Variants in GUCY1A1 observed in about 807,000 individuals in gnomAD.
The protein encoded by GUCY1A1 is guanylate cyclase 1 soluble subunit alpha 1, also known as guanylate cyclase soluble subunit alpha-1.
In GUCY1A1, 48 loss-of-function variants were observed where a neutral mutation model predicts 64.5. That is an observed-to-expected ratio of 0.74 (90% confidence interval 0.59 to 0.95). GUCY1A1 has a LOEUF of 0.95. Among genes scored for constraint, GUCY1A1 ranks in the 40% least tolerant of loss-of-function variants. The pLI, the probability that GUCY1A1 is intolerant of heterozygous loss-of-function variation, is 0.00. For synonymous variants in GUCY1A1, 308 were observed against 303.4 expected (o/e 1.02, Z -0.16); for missense variants, 804 against 825.3 (o/e 0.97, Z 0.32).
chr4:155,717,281 T>C lies in GUCY1A1; in HGVS notation c.1695T>C (p.Ser565=). The C allele has an allele frequency of 6.3e-7, 1 of 1,592,788 alleles. No individual in the cohort carries two copies. Among genetic ancestry groups the C allele is most frequent in the Non-Finnish European group, 8.6e-7 (1 of 1,167,720 alleles). Residue 565 remains serine (S), a synonymous_variant, in exon 8 of 10, where the codon TCT becomes TCC. Coordinates refer to ENST00000506455, the MANE Select transcript of GUCY1A1 (RefSeq NM_001130682.3). Reference sequence around the variant, plus strand: ...TGGAGCTCTCTGATGAAGTTATGTCTCCCCATGGAGAACCTATCAAGGTAA... The same window carrying C: ...TGGAGCTCTCTGATGAAGTTATGTCCCCCCATGGAGAACCTATCAAGGTAA... ...KMMELSDEVM[S]PHGEPIKMRI...
chr4:155,726,379 A>G (rs1351669749), intron 9 of GUCY1A1, among the ~76,000 whole-genome samples: 1 of 152,006 alleles, frequency 6.6e-6, no homozygotes, highest in African/African-American at 2.4e-5. Flanking sequence ...TCAATTAAAC[A>G]TCCAATGCTT....
In GUCY1A1 at chr4:155,711,051, A is replaced by G. The variant is rs1732506994; in HGVS notation, c.886A>G (p.Met296Val). 6.2e-7 allele frequency: 1 copy of G among 1,613,932 alleles called. No homozygotes were observed. Among genetic ancestry groups the G allele is most frequent in the African/African-American group, 1.3e-5 (1 of 74,932 alleles). ...ATTCCATTTCATGTTTGACAAAGAT[A>G]TGACAATTCTGCAATTTGGCAATGG... is the stretch of plus-strand genomic sequence containing the variant. Reference protein sequence around the residue: ...FPFHFMFDKDMTILQFGNGIR... With the variant: ...FPFHFMFDKDVTILQFGNGIR... Residue 296 changes from methionine to valine, a missense_variant, in exon 6 of 10, where the codon ATG becomes GTG. By Grantham distance (21) the Met-to-Val change is conservative. Transcript: ENST00000506455.
intron 2 of GUCY1A1, among the ~76,000 whole-genome samples, chr4:155,685,072 G>C (rs1256220756): frequency 6.6e-6 from 1 of 152,164 alleles, no homozygotes; most frequent in African/African-American, 2.4e-5. Context: ...TCTGTAGTTA[G>C]ATAGGGTTGG....
rs1483136962 is a variant in GUCY1A1, at chr4:155,736,922, T to G, written c.*6691T>G. ...CTTCATAGTTACTTTAAATGACATA[T>G]TTATTTCGAGTTTTACTTCTGGCTG... On this transcript the variant is annotated 3_prime_UTR_variant, in exon 10 of 10. Transcript: ENST00000506455. 6.6e-6 allele frequency: 1 copy of G among 151,950 alleles called. No individual in the cohort carries two copies. Among genetic ancestry groups the G allele is most frequent in the African/African-American group, 2.4e-5 (1 of 41,400 alleles). 9.4% of individuals were successfully genotyped at this position (151,950 alleles called of 1,614,324 possible). A position where few individuals can be genotyped will look rare whatever the true frequency, so the allele number is the denominator to read the frequency against.
chr4:155,711,482 ATATCTTTATGGAATGTTT>A lies in GUCY1A1; in HGVS notation c.1086+235_1086+252del, dbSNP rs572627058. 68 of 343,476 alleles carry A rather than the reference ATATCTTTATGGAATGTTT, an allele frequency of 2.0e-4. No individual in the cohort carries two copies. In the South Asian group the frequency reaches 3.9e-3, roughly 20 times the overall value. 21.3% of individuals were successfully genotyped at this position (343,476 alleles called of 1,614,324 possible). ...TTTATTGAATGCAGTCTGCCTTTTA[ATATCTTTATGGAATGTTT>A]TATAATGAAATTTGATAAATGTTTA... On this transcript the variant is annotated intron_variant, in intron 6 of 9. Transcript: ENST00000506455.
rs557732287 is a variant in GUCY1A1, at chr4:155,735,764, T to G, written c.*5533T>G. 6.6e-6 allele frequency: 1 copy of G among 152,076 alleles called. No individual in the cohort carries two copies. Among genetic ancestry groups the G allele is most frequent in the African/African-American group, 2.4e-5 (1 of 41,532 alleles). 9.4% of individuals were successfully genotyped at this position (152,076 alleles called of 1,614,324 possible). ...ACAAAACAAAGCAAAACAAAAATGC[T>G]ATTACAGAAGTTGGACAGCCCAATG... On this transcript the variant is annotated 3_prime_UTR_variant, in exon 10 of 10. Transcript: ENST00000506455.
chr4:155,709,044 C>CA (rs752185954), intron 5 of GUCY1A1, among the ~76,000 whole-genome samples: 34 of 152,004 alleles, frequency 2.2e-4, no homozygotes, highest in Non-Finnish European at 4.7e-4. Flanking sequence ...ATTTTGCCAA[C>CA]AAAAATAGCA....
At chr4:155,708,355 T>C in intron 5 of GUCY1A1, 61 bp downstream of exon 5, 1 of 833,132 alleles carries the variant, frequency 1.2e-6, no homozygotes, top group East Asian at 2.4e-5. Context: ...TCACATTTTC[T>C]CCAAAAATAT....
chr4:155,722,358 T>A, intron 9 of GUCY1A1, 166 bp downstream of exon 9: 1 of 1,419,904 alleles, frequency 7.0e-7, no homozygotes, highest in Admixed American at 3.0e-5. Context: ...TTTACACTGC[T>A]TATTAGCCTC....
chr4:155,703,180 A>C (rs1052077127), intron 3 of GUCY1A1, among the ~76,000 whole-genome samples: 1 of 152,198 alleles, frequency 6.6e-6, no homozygotes, highest in African/African-American at 2.4e-5. Flanking sequence ...AAAAGCTTAC[A>C]TACAAATGTC....
rs776635366 is a variant in GUCY1A1 at position 155,713,263 on chromosome 4, C to T, written c.1252C>T (p.Gln418Ter). 6.2e-7 allele frequency: 1 copy of T among 1,614,124 alleles called. No individual in the cohort carries two copies. Among genetic ancestry groups the T allele is most frequent in the South Asian group, 1.1e-5 (1 of 91,082 alleles). Reference protein sequence around the residue: ...ALRDVVLIGEQARAQDGLKKR... With the variant: ...ALRDVVLIGE ...GAGGGATGTGGTCTTAATAGGGGAA[C>T]AAGCCCGAGCTCAAGATGGCCTGAA... Residue 418 changes from glutamine (Q) to a stop codon, truncating the protein, a stop_gained, in exon 7 of 10, where the codon CAA becomes TAA. Coordinates refer to ENST00000506455, the MANE Select transcript of GUCY1A1 (RefSeq NM_001130682.3). LOFTEE classifies it high-confidence loss of function.
intron 2 of GUCY1A1, among the ~76,000 whole-genome samples, chr4:155,669,050 A>C (rs1288905061): frequency 6.6e-6 from 1 of 152,196 alleles, no homozygotes. Flanking sequence ...TTCTTATCAA[A>C]ACAACAGGCT....
intron 2 of GUCY1A1, among the ~76,000 whole-genome samples, chr4:155,669,027 T>TA (rs1355427083): frequency 6.6e-6 from 1 of 152,176 alleles, no homozygotes; most frequent in Non-Finnish European, 1.5e-5. Context: ...TAAAAACACG[T>TA]AAGCCATACT....
chr4:155,702,476 G>A (rs1269269974), intron 3 of GUCY1A1, among the ~76,000 whole-genome samples: 1 of 152,128 alleles, frequency 6.6e-6, no homozygotes, highest in Non-Finnish European at 1.5e-5. Context: ...TGAGAAAGAT[G>A]TCTAGGAAAT....
At position 155,730,178 on chromosome 4, in the gene GUCY1A1, G is replaced by T. The variant is rs775241387; in HGVS notation, c.2020G>T (p.Asp674Tyr). ...CTCAAAACCATGCTTCCAAAAGAAA[G>T]ATGTGGAAGATGGCAATGCCAATTT... is the stretch of plus-strand genomic sequence containing the variant. ...TNSKPCFQKK[D>Y]VEDGNANFLG... is the part of the protein sequence containing the mutation. Residue 674 changes from aspartate (D) to tyrosine (Y), a missense_variant, in exon 10 of 10, where the codon GAT (aspartate) becomes TAT (tyrosine). By Grantham distance (160) the Asp-to-Tyr change is radical. Transcript: ENST00000506455. 2.5e-6 allele frequency: 4 copies of T among 1,611,578 alleles called. No homozygotes were observed. The highest frequency in any genetic ancestry group is 1.7e-4 in the Middle Eastern group (1 of 6,042).
chr4:155,682,730 A>G (rs11100007), intron 2 of GUCY1A1, among the ~76,000 whole-genome samples: 31,789 of 144,652 alleles, frequency 0.22, 3,590 homozygotes, highest in Non-Finnish European at 0.24. Context: ...GTGTGTGTGT[A>G]TATACCCCAC....
At chr4:155,718,331 C>G (rs961785418) in intron 8 of GUCY1A1, among the ~76,000 whole-genome samples, 3 of 152,080 alleles carry the variant, frequency 2.0e-5, no homozygotes, top group Non-Finnish European at 4.4e-5. Flanking sequence ...TTAATAGAAG[C>G]CATATGTTTA....
intron 2 of GUCY1A1, among the ~76,000 whole-genome samples, chr4:155,691,514 A>G (rs1283276998): frequency 6.6e-6 from 1 of 152,178 alleles, no homozygotes; most frequent in Admixed American, 6.5e-5. Context: ...TTCCTTATTT[A>G]TGAAAATAGT....
At position 155,722,076 on chromosome 4, in the gene GUCY1A1, C is replaced by T. The variant is rs571318059; in HGVS notation, c.1755C>T (p.Gly585=). The T allele has an allele frequency of 5.6e-6, 9 of 1,613,450 alleles. No individual in the cohort carries two copies. Among genetic ancestry groups the T allele is most frequent in the Admixed American group, 1.7e-5 (1 of 59,974 alleles). Reference sequence around the variant, plus strand: ...TGCACTCTGGATCAGTTTTTGCTGGCGTCGTTGGAGTTAAAATGCCCCGTT... The same window carrying T: ...TGCACTCTGGATCAGTTTTTGCTGGTGTCGTTGGAGTTAAAATGCCCCGTT... ...IGLHSGSVFA[G]VVGVKMPRYC... is the part of the protein sequence containing the mutation. Residue 585 remains glycine (G), a synonymous_variant, in exon 9 of 10, where the codon GGC becomes GGT. Coordinates refer to ENST00000506455, the MANE Select transcript of GUCY1A1 (RefSeq NM_001130682.3).
Sources: allele counts gnomAD v4.1 joint callset (sites outside exome capture counted in the v4.1 genomes callset), GRCh38; gene constraint gnomAD v4.1.1; transcripts MANE v1.5; gene names NCBI Gene and HGNC (gene_info 2026-07-23, HGNC 2026-07-21).